The following PACRG variants were observed in gnomAD, a reference collection of about 807,000 sequenced individuals.
PACRG encodes parkin coregulated, also known as parkin coregulated gene protein.
Under a neutral mutation model 29.7 loss-of-function variants are expected in PACRG, and 29 were observed. The observed-to-expected ratio is 0.98, with a 90% CI of 0.73 to 1.33. The LOEUF (loss-of-function observed/expected upper bound fraction) is 1.33. Ranked by LOEUF, PACRG falls within the 40% of genes most tolerant of loss-of-function variation. The pLI, the probability that PACRG is intolerant of heterozygous loss-of-function variation, is 0.00. For synonymous variants in PACRG, 116 were observed against 118.7 expected (o/e 0.98, Z 0.15); for missense variants, 279 against 316.2 (o/e 0.88, Z 0.89).
intron 2 of PACRG, among the ~76,000 whole-genome samples, chr6:162,909,919 A>G (rs893324717): frequency 6.6e-6 from 1 of 152,176 alleles, no homozygotes; most frequent in Non-Finnish European, 1.5e-5. Flanking sequence ...CACTAGAATA[A>G]TTTCCTCTTT....
At chr6:162,841,504 TGCTAGCAGTCTA>T (rs1789764303) in intron 2 of PACRG, among the ~76,000 whole-genome samples, 1 of 152,202 alleles carries the variant, frequency 6.6e-6, no homozygotes, top group Non-Finnish European at 1.5e-5. Context: ...TTATTAGTCT[TGCTAGCAGTCTA>T]TCAATTTTGT....
intron 2 of PACRG, among the ~76,000 whole-genome samples, chr6:162,820,836 G>T (rs566600974): frequency 6.6e-6 from 1 of 152,180 alleles, no homozygotes; most frequent in East Asian, 1.9e-4. Flanking sequence ...ATAGGACTTA[G>T]TAGAATTTGC....
intron 4 of PACRG, among the ~76,000 whole-genome samples, chr6:163,128,311 C>T (rs1051489045): frequency 3.8e-4 from 58 of 152,252 alleles, no homozygotes; most frequent in African/African-American, 1.4e-3. Context: ...AGTAGCTGAG[C>T]AGGAGAAAAC....
rs189881707 is a variant in PACRG at position 163,009,775 on chromosome 6, T to G, written c.292-52375T>G. On this transcript the variant is annotated intron_variant, in intron 2 of 4. Transcript: ENST00000366888. ...CTGGAAGCTGTGTAAATCTTACACT[T>G]CTGAAGCTGGCAATAGAATTTTAAA... Among the ~76,000 whole-genome samples the G allele has an allele frequency of 3.3e-5, 5 of 152,354 alleles. No homozygotes were observed. The East Asian group carries it at 9.7e-4, about 29-fold the overall frequency.
chr6:162,898,065 G>A (rs1009947637), intron 2 of PACRG, among the ~76,000 whole-genome samples: 5 of 152,202 alleles, frequency 3.3e-5, no homozygotes, highest in Non-Finnish European at 7.3e-5. Flanking sequence ...AGTGCAGAAC[G>A]TTCTGGAAAG....
At chr6:162,771,590 T>G (rs1271682645) in intron 1 of PACRG, among the ~76,000 whole-genome samples, 1 of 152,104 alleles carries the variant, frequency 6.6e-6, no homozygotes, top group East Asian at 1.9e-4. Flanking sequence ...CTTTTTTTTT[T>G]GGTACACGTT....
chr6:163,030,560 A>AGACC lies in PACRG; in HGVS notation c.292-31590_292-31589insGACC, dbSNP rs1807565830. On this transcript the variant is annotated intron_variant, in intron 2 of 4. Coordinates refer to ENST00000366888, the MANE Select transcript of PACRG (RefSeq NM_001080379.2). ...CCCCAAGAGAGGGTTCTTGGATCTC[A>AGACC]CACAAGAAAGAATTCAGGGTGAGTC... Among the ~76,000 whole-genome samples, 6 of 152,310 alleles carry AGACC rather than the reference A, an allele frequency of 3.9e-5. No individual in the cohort carries two copies. The South Asian group carries it at 1.2e-3, about 32-fold the overall frequency.
chr6:162,961,535 C>T (rs796179893), intron 2 of PACRG, among the ~76,000 whole-genome samples: 37 of 152,280 alleles, frequency 2.4e-4, no homozygotes, highest in African/African-American at 6.3e-4. Flanking sequence ...GGATTACAAA[C>T]GCAACTAATC....
At chr6:162,999,788 G>A (rs908594598) in intron 2 of PACRG, among the ~76,000 whole-genome samples, 11 of 152,248 alleles carry the variant, frequency 7.2e-5, no homozygotes, top group African/African-American at 1.9e-4. Context: ...CAAAATTTCC[G>A]AGTGAAATAT....
At chr6:163,124,963 AT>A (rs1277091407) in intron 4 of PACRG, among the ~76,000 whole-genome samples, 1 of 152,260 alleles carries the variant, frequency 6.6e-6, no homozygotes, top group Non-Finnish European at 1.5e-5. Context: ...TAGCAAATAA[AT>A]ATTTGGAATT....
At chr6:162,815,691 C>T (rs530134705) in intron 2 of PACRG, among the ~76,000 whole-genome samples, 1 of 151,932 alleles carries the variant, frequency 6.6e-6, no homozygotes, top group South Asian at 2.1e-4. Context: ...AACTTTCATA[C>T]TTTAGTCTTA....
At chr6:162,915,597 T>G (rs1362539004) in intron 2 of PACRG, among the ~76,000 whole-genome samples, 1 of 152,080 alleles carries the variant, frequency 6.6e-6, no homozygotes, top group Non-Finnish European at 1.5e-5. Flanking sequence ...TTTTTGTTGC[T>G]CTGTTCCTCT....
At chr6:163,107,678 T>C (rs938454981) in intron 4 of PACRG, among the ~76,000 whole-genome samples, 8 of 152,214 alleles carry the variant, frequency 5.3e-5, no homozygotes, top group African/African-American at 1.9e-4. Flanking sequence ...TGAATATTCT[T>C]CTCGTGCATC....
chr6:162,914,334 T>C (rs1270143905), intron 2 of PACRG, among the ~76,000 whole-genome samples: 1 of 152,064 alleles, frequency 6.6e-6, no homozygotes. Context: ...ATTGCTTTGA[T>C]AATTTGTCAA....
intron 4 of PACRG, among the ~76,000 whole-genome samples, chr6:163,136,990 T>A (rs1210570498): frequency 6.6e-6 from 1 of 152,230 alleles, no homozygotes; most frequent in African/African-American, 2.4e-5. Flanking sequence ...AGATGAATAG[T>A]TTAAACGGAA....
At chr6:163,256,709 GC>G (rs1783123016) in intron 4 of PACRG, among the ~76,000 whole-genome samples, 1 of 152,188 alleles carries the variant, frequency 6.6e-6, no homozygotes, top group African/African-American at 2.4e-5. Context: ...AGGGAAGGTG[GC>G]CGGCAGTTCA....
At chr6:162,799,745 A>G (rs1008231773) in intron 1 of PACRG, among the ~76,000 whole-genome samples, 3 of 152,110 alleles carry the variant, frequency 2.0e-5, no homozygotes, top group African/African-American at 7.2e-5. Context: ...ATCATTAGAC[A>G]CAAGGATTTT....
At chr6:162,928,304 A>G (rs1008217452) in intron 2 of PACRG, among the ~76,000 whole-genome samples, 2 of 151,990 alleles carry the variant, frequency 1.3e-5, no homozygotes, top group South Asian at 4.1e-4. Context: ...GTTGGCATAT[A>G]GTTGTTCATA....
At chr6:162,874,742 G>A (rs1202929257) in intron 2 of PACRG, among the ~76,000 whole-genome samples, 1 of 152,084 alleles carries the variant, frequency 6.6e-6, no homozygotes, top group Non-Finnish European at 1.5e-5. Flanking sequence ...AGACACACAT[G>A]CATTCACACA....
Sources: gnomAD v4.1 joint callset for allele counts (sites outside exome capture counted in the v4.1 genomes callset) on GRCh38, gnomAD v4.1.1 for gene constraint, MANE v1.5 for transcripts, NCBI Gene and HGNC (gene_info 2026-07-23, HGNC 2026-07-21) for gene names.